The following PDZRN3 variants were observed in gnomAD, a reference collection of about 807,000 sequenced individuals.
PDZRN3 encodes PDZ domain containing ring finger 3, also known as E3 ubiquitin-protein ligase PDZRN3.
Under a neutral mutation model 85.7 loss-of-function variants are expected in PDZRN3, and 38 were observed. The ratio of observed to expected loss-of-function variants is 0.44; its 90% CI spans 0.34 to 0.58. The LOEUF is 0.58. Among genes scored for constraint, PDZRN3 ranks in the 20% least tolerant of loss-of-function variants. The probability of loss-of-function intolerance (pLI) is 0.01; values close to 1 mark genes in which losing one functional copy is unlikely to be tolerated. For missense variants in PDZRN3, 1,629 were observed against 1,506.4 expected, an observed-to-expected ratio of 1.08 and a Z score of -1.35; for synonymous variants, 759 against 638.0, an observed-to-expected ratio of 1.19 and a Z score of -2.86.
intron 2 of PDZRN3, 77 bp downstream of exon 2, chr3:73,608,521 A>G (rs1702636610): frequency 2.1e-6 from 2 of 937,238 alleles, no homozygotes; most frequent in Admixed American, 3.8e-5. Flanking sequence ...CCTGCTCCTC[A>G]CTGTCCCCTT....
chr3:73,391,136 C>T lies in PDZRN3; in HGVS notation c.1255-20G>A. 6.9e-7 allele frequency: 1 copy of T among 1,445,242 alleles called. No homozygotes were observed. Among genetic ancestry groups the T allele is most frequent in the Non-Finnish European group, 9.7e-7 (1 of 1,027,940 alleles). The allele number at this position is 1,445,242 out of a possible 1,614,324, so 89.5% of individuals were successfully genotyped here. On this transcript the variant is annotated intron_variant, in intron 5 of 9. Coordinates refer to ENST00000263666, the MANE Select transcript of PDZRN3 (RefSeq NM_015009.3). Reference sequence around the variant, plus strand: ...CACTTCCTAGACAAAGAAAGGCATTCCCAGTGAGACTCCAGCAGGCAATGC... The same window carrying T: ...CACTTCCTAGACAAAGAAAGGCATTTCCAGTGAGACTCCAGCAGGCAATGC...
At chr3:73,452,493 G>T (rs1702883212) in intron 3 of PDZRN3, among the ~76,000 whole-genome samples, 1 of 152,110 alleles carries the variant, frequency 6.6e-6, no homozygotes, top group Non-Finnish European at 1.5e-5. Flanking sequence ...TTCTCTCTAT[G>T]ATTTCACTGA....
At chr3:73,563,173 C>G (rs1701870891) in intron 3 of PDZRN3, among the ~76,000 whole-genome samples, 1 of 149,956 alleles carries the variant, frequency 6.7e-6, no homozygotes, top group African/African-American at 2.5e-5. Flanking sequence ...TGCCCGCCAC[C>G]ACGCCCGGCT....
intron 3 of PDZRN3, among the ~76,000 whole-genome samples, chr3:73,417,828 C>A (rs1702122920): frequency 6.6e-6 from 1 of 152,188 alleles, no homozygotes; most frequent in South Asian, 2.1e-4. Flanking sequence ...TGTCTCCAAG[C>A]TATCTATCTC....
intron 1 of PDZRN3, among the ~76,000 whole-genome samples, chr3:73,617,443 AGTAAGACTT>A (rs2106915892): frequency 6.6e-6 from 1 of 152,334 alleles, no homozygotes; most frequent in South Asian, 2.1e-4. Context: ...AGCAAAGAAT[AGTAAGACTT>A]GTGCTTTCAA....
At chr3:73,603,412 C>T (rs771368022) in intron 2 of PDZRN3, among the ~76,000 whole-genome samples, 2 of 152,180 alleles carry the variant, frequency 1.3e-5, no homozygotes, top group African/African-American at 2.4e-5. Flanking sequence ...AGCTTGTTCA[C>T]GAACTTCTTT....
Position 73,603,097 on chromosome 3 carries a change from C to CAG in PDZRN3, c.811-638_811-637dup, listed in dbSNP as rs138627326. Reference sequence around the variant, plus strand: ...TCAAAGATATTGCCAAATGGCTTTTCAGAGAGTTTATACTTATTGTTCATT... The same window carrying CAG: ...TCAAAGATATTGCCAAATGGCTTTTCAGAGAGAGTTTATACTTATTGTTCATT... On this transcript the variant is annotated intron_variant, in intron 2 of 9. Coordinates refer to ENST00000263666, the MANE Select transcript of PDZRN3 (RefSeq NM_015009.3). Among the ~76,000 whole-genome samples, 298 of 152,318 alleles carry CAG rather than the reference C, an allele frequency of 2.0e-3. 4 individuals carry two copies. In the South Asian group the frequency reaches 0.026, roughly 13 times the overall value.
intron 5 of PDZRN3, among the ~76,000 whole-genome samples, chr3:73,398,986 G>A (rs1398673471): frequency 6.6e-6 from 1 of 152,170 alleles, no homozygotes; most frequent in Non-Finnish European, 1.5e-5. Flanking sequence ...AAACTGTAAG[G>A]CAGAATGGCC....
At chr3:73,526,603 GACAT>G (rs757730871) in intron 3 of PDZRN3, among the ~76,000 whole-genome samples, 13 of 152,206 alleles carry the variant, frequency 8.5e-5, no homozygotes, top group Non-Finnish European at 1.6e-4. Flanking sequence ...ATGAACTGAG[GACAT>G]ACAGACAGAG....
chr3:73,507,701 A>C (rs965060533), intron 3 of PDZRN3, among the ~76,000 whole-genome samples: 3 of 152,226 alleles, frequency 2.0e-5, no homozygotes, highest in Non-Finnish European at 4.4e-5. Context: ...GGCAAAGAAA[A>C]GATGTATTTA....
At chr3:73,425,084 G>C (rs1559672604) in intron 3 of PDZRN3, among the ~76,000 whole-genome samples, 1 of 149,864 alleles carries the variant, frequency 6.7e-6, no homozygotes, top group South Asian at 2.1e-4. Context: ...GTATGATCTC[G>C]GCTCACTGCA....
At chr3:73,574,518 GTGCAACCTCAGCTCAC>G (rs1702092431) in intron 3 of PDZRN3, among the ~76,000 whole-genome samples, 1 of 151,858 alleles carries the variant, frequency 6.6e-6, no homozygotes, top group South Asian at 2.1e-4. Flanking sequence ...GAGGGCACTG[GTGCAACCTCAGCTCAC>G]TGCAACCTCC....
At chr3:73,408,111 A>G (rs1701890941) in intron 3 of PDZRN3, 1 of 702,514 alleles carries the variant, frequency 1.4e-6, no homozygotes, top group Non-Finnish European at 2.6e-6. Context: ...TACAGTTCAA[A>G]TAAGCCCCTC....
chr3:73,542,591 T>C (rs1035491030), intron 3 of PDZRN3, among the ~76,000 whole-genome samples: 5 of 152,002 alleles, frequency 3.3e-5, no homozygotes, highest in Admixed American at 2.0e-4. Context: ...CTGGCCAACA[T>C]GGTGAAACCC....
intron 3 of PDZRN3, among the ~76,000 whole-genome samples, chr3:73,570,100 C>T (rs1702024210): frequency 6.6e-6 from 1 of 152,170 alleles, no homozygotes; most frequent in Admixed American, 6.5e-5. Flanking sequence ...TTTGGTCTCG[C>T]TTACTGCCTG....
intron 3 of PDZRN3, among the ~76,000 whole-genome samples, chr3:73,568,959 G>A (rs1701998955): frequency 6.6e-6 from 1 of 152,194 alleles, no homozygotes; most frequent in Non-Finnish European, 1.5e-5. Context: ...TAACTGAAAT[G>A]ATAGAGCCTT....
At chr3:73,538,639 T>C (rs1704845641) in intron 3 of PDZRN3, among the ~76,000 whole-genome samples, 1 of 152,236 alleles carries the variant, frequency 6.6e-6, no homozygotes, top group Non-Finnish European at 1.5e-5. Flanking sequence ...GGTTTTTCCT[T>C]ATGTCAGGCA....
rs1343639661 is a variant in PDZRN3, at chr3:73,384,339, T to C, written c.2227A>G (p.Ile743Val). ...IDVRRHELSD[I>V]TELPEKSDKD... is the part of the protein sequence containing the mutation. ...TCGGATTTCTCCGGGAGCTCGGTGATATCTGAGAGCTCGTGTCTGCGCACG... is the reference window on the plus strand; with the variant it reads ...TCGGATTTCTCCGGGAGCTCGGTGACATCTGAGAGCTCGTGTCTGCGCACG... The change falls in exon 10 of 10, where the codon ATC becomes GTC. Residue 743 changes from isoleucine to valine, a missense_variant. Ile to Val is a conservative substitution (Grantham distance 29, BLOSUM62 3). Coordinates refer to ENST00000263666, the MANE Select transcript of PDZRN3 (RefSeq NM_015009.3). The C allele has an allele frequency of 3.7e-6, 6 of 1,611,330 alleles. No individual in the cohort carries two copies. The highest frequency in any genetic ancestry group is 1.3e-5 in the African/African-American group (1 of 74,940).
At chr3:73,413,588 C>T (rs185530974) in intron 3 of PDZRN3, among the ~76,000 whole-genome samples, 8 of 152,218 alleles carry the variant, frequency 5.3e-5, no homozygotes, top group Admixed American at 3.9e-4. Context: ...GGATGTGACC[C>T]AGGTCTGCCT....
Sources: gnomAD v4.1 joint callset for allele counts (sites outside exome capture counted in the v4.1 genomes callset) on GRCh38, gnomAD v4.1.1 for gene constraint, MANE v1.5 for transcripts, NCBI Gene and HGNC (gene_info 2026-07-23, HGNC 2026-07-21) for gene names.